LINGO2: variants seen among roughly 807,000 people sequenced by gnomAD.
LINGO2 encodes leucine-rich repeat and immunoglobulin-like domain-containing nogo receptor-interacting protein 2.
LINGO2 carries 14 observed loss-of-function variants against 30.6 expected under a neutral mutation model. That is an observed-to-expected ratio of 0.46 (90% confidence interval 0.30 to 0.72). LINGO2 has a LOEUF of 0.72. Among genes scored for constraint, LINGO2 ranks in the 30% least tolerant of loss-of-function variants. The probability of loss-of-function intolerance (pLI) is 0.07; values close to 1 mark genes in which losing one functional copy is unlikely to be tolerated. For synonymous variants in LINGO2, 317 were observed against 288.5 expected, an observed-to-expected ratio of 1.10 and a Z score of -1.00; for missense variants, 729 against 751.7, an observed-to-expected ratio of 0.97 and a Z score of 0.35.
At chr9:28,948,440 T>C in the LINGO2 span, among the ~76,000 whole-genome samples, 2 of 152,130 alleles carry the variant, frequency 1.3e-5, no homozygotes, top group African/African-American at 2.4e-5. Context: ...TTTATAAATC[T>C]ATAAATTTGC....
At chr9:29,058,950 G>A in the LINGO2 span, among the ~76,000 whole-genome samples, 1 of 151,810 alleles carries the variant, frequency 6.6e-6, no homozygotes, top group South Asian at 2.1e-4. Flanking sequence ...AGAATATTTA[G>A]TATTTTAAAT....
the LINGO2 span, among the ~76,000 whole-genome samples, chr9:28,769,704 T>G: frequency 6.6e-6 from 1 of 150,406 alleles, no homozygotes; most frequent in Non-Finnish European, 1.5e-5. Flanking sequence ...CTTAAAATTT[T>G]TATTTGTTCT....
At chr9:28,762,354 G>A in the LINGO2 span, among the ~76,000 whole-genome samples, 1 of 151,926 alleles carries the variant, frequency 6.6e-6, no homozygotes, top group Non-Finnish European at 1.5e-5. Flanking sequence ...TGAAAAGGAG[G>A]CCTAGCATGA....
chr9:28,832,269 A>G, the LINGO2 span, among the ~76,000 whole-genome samples: 2 of 152,234 alleles, frequency 1.3e-5, no homozygotes, highest in Non-Finnish European at 2.9e-5. Flanking sequence ...ATGAAAATGA[A>G]TGCACTGTTT....
At chr9:28,683,194 G>A in the LINGO2 span, among the ~76,000 whole-genome samples, 25 of 152,140 alleles carry the variant, frequency 1.6e-4, no homozygotes, top group South Asian at 1.0e-3. Context: ...ATACCCTATT[G>A]TATTGCTATT....
intron 3 of LINGO2, among the ~76,000 whole-genome samples, chr9:28,340,943 C>A (rs995075526): frequency 6.6e-6 from 1 of 152,092 alleles, no homozygotes; most frequent in Non-Finnish European, 1.5e-5. Flanking sequence ...CACAGTGTAT[C>A]TTTTCCCCAT....
chr9:28,491,533 G>A (rs62557819), intron 1 of LINGO2, among the ~76,000 whole-genome samples: 68 of 152,092 alleles, frequency 4.5e-4, no homozygotes, highest in Non-Finnish European at 8.8e-4. Flanking sequence ...CCACATGTTC[G>A]GAGTAAGTAT....
intron 1 of LINGO2, among the ~76,000 whole-genome samples, chr9:28,547,179 T>C (rs980184163): frequency 6.6e-6 from 1 of 152,126 alleles, no homozygotes; most frequent in African/African-American, 2.4e-5. Flanking sequence ...GCTAGTTTAT[T>C]TGTGAAATCG....
rs1827856823 is a variant in LINGO2 at position 28,147,758 on chromosome 9, C to A, written c.-86-135353G>T. Reference sequence around the variant, plus strand: ...AGCAGGACGTCCCTGAGGCTAGAGTCCAGCTGGACCGGTGGAAGGGTCTCA... The same window carrying A: ...AGCAGGACGTCCCTGAGGCTAGAGTACAGCTGGACCGGTGGAAGGGTCTCA... On this transcript the variant is annotated intron_variant, in intron 4 of 5. Transcript: ENST00000379992. The surrounding 1 kb of genome is among the most constrained non-coding windows in gnomAD (Gnocchi z 4.7). 6.6e-6 allele frequency among the ~76,000 whole-genome samples: 1 copy of A among 152,156 alleles called. No homozygotes were observed. Among genetic ancestry groups the A allele is most frequent in the Non-Finnish European group, 1.5e-5 (1 of 68,026 alleles).
At chr9:29,146,591 C>A in the LINGO2 span, among the ~76,000 whole-genome samples, 1 of 152,128 alleles carries the variant, frequency 6.6e-6, no homozygotes, top group Non-Finnish European at 1.5e-5. Flanking sequence ...ATGTAAGAAA[C>A]TACTGAGTTT....
chr9:28,211,891 G>T (rs565332571), intron 4 of LINGO2, among the ~76,000 whole-genome samples: 1 of 150,102 alleles, frequency 6.7e-6, no homozygotes, highest in South Asian at 2.1e-4. Flanking sequence ...TATTTTAAAG[G>T]TCCAGGTTAG....
At chr9:28,482,590 T>A (rs1421267952) in intron 1 of LINGO2, among the ~76,000 whole-genome samples, 1 of 152,182 alleles carries the variant, frequency 6.6e-6, no homozygotes, top group Admixed American at 6.6e-5. Flanking sequence ...TTCACTCTGA[T>A]GGTAGTTTCT....
the LINGO2 span, among the ~76,000 whole-genome samples, chr9:29,094,514 T>C: frequency 7.2e-6 from 1 of 139,068 alleles, no homozygotes; most frequent in Non-Finnish European, 1.6e-5. Context: ...ATGTGGGTGC[T>C]TAAATCTCAC....
chr9:28,972,622 A>C, the LINGO2 span, among the ~76,000 whole-genome samples: 1 of 152,212 alleles, frequency 6.6e-6, no homozygotes, highest in Middle Eastern at 3.4e-3. Flanking sequence ...GTCAGAAGAG[A>C]CGTATTAGTC....
intron 4 of LINGO2, among the ~76,000 whole-genome samples, chr9:28,032,086 G>A (rs1182133307): frequency 2.0e-5 from 3 of 151,724 alleles, no homozygotes; most frequent in South Asian, 2.1e-4. Flanking sequence ...AAGAAAAACC[G>A]CAGAGCTGGG....
the LINGO2 span, among the ~76,000 whole-genome samples, chr9:28,850,956 G>A: frequency 6.6e-6 from 1 of 151,938 alleles, no homozygotes; most frequent in Non-Finnish European, 1.5e-5. Context: ...GTACTAAATG[G>A]CGTATATGTG....
chr9:29,080,231 T>A, the LINGO2 span, among the ~76,000 whole-genome samples: 29,998 of 152,106 alleles, frequency 0.2, 3,090 homozygotes, highest in African/African-American at 0.24. Context: ...TTTATTTGTG[T>A]AGAGGTGTTT....
intron 2 of LINGO2, among the ~76,000 whole-genome samples, chr9:28,385,543 A>C (rs906545829): frequency 1.3e-5 from 2 of 152,158 alleles, no homozygotes; most frequent in African/African-American, 2.4e-5. Flanking sequence ...TGGGCAAATA[A>C]AATTAGGCTT....
the LINGO2 span, among the ~76,000 whole-genome samples, chr9:28,762,616 G>C: frequency 6.6e-6 from 1 of 151,918 alleles, no homozygotes; most frequent in Non-Finnish European, 1.5e-5. Flanking sequence ...AACCCCCTTG[G>C]ACACTTGCTG....
Sources: allele counts gnomAD v4.1 joint callset (sites outside exome capture counted in the v4.1 genomes callset), GRCh38; gene constraint gnomAD v4.1.1; non-coding constraint Gnocchi (gnomAD v3.1); transcripts MANE v1.5; gene names NCBI Gene and HGNC (gene_info 2026-07-23, HGNC 2026-07-21).